The following MLLT3 variants were observed in gnomAD, a reference collection of about 807,000 sequenced individuals.
The protein encoded by MLLT3 is MLLT3 super elongation complex subunit.
In MLLT3, 4 loss-of-function variants were observed where a neutral mutation model predicts 53.2. That is an observed-to-expected ratio of 0.08 (90% CI 0.04 to 0.17). The LOEUF is 0.17. Among genes scored for constraint, MLLT3 ranks in the 10% least tolerant of loss-of-function variants. The pLI is 1.00. For missense variants in MLLT3, 569 were observed against 684.0 expected (o/e 0.83, Z 1.87); for synonymous variants, 283 against 230.6 (o/e 1.23, Z -2.06).
intron 4 of MLLT3, 105 bp from the exon 5 acceptor site, chr9:20,414,530 C>T: frequency 6.6e-7 from 1 of 1,507,916 alleles, no homozygotes; most frequent in Non-Finnish European, 8.9e-7. Flanking sequence ...CTCAAGCTAT[C>T]ATTAAAATAC....
chr9:20,577,461 C>T (rs779548845), intron 2 of MLLT3, among the ~76,000 whole-genome samples: 1 of 152,140 alleles, frequency 6.6e-6, no homozygotes, highest in Non-Finnish European at 1.5e-5. Flanking sequence ...CATTTCACAG[C>T]GCCTGTTCTC....
chr9:20,501,713 T>TGCAGTCC (rs1217305059), intron 2 of MLLT3, among the ~76,000 whole-genome samples: 5 of 131,562 alleles, frequency 3.8e-5, no homozygotes, highest in South Asian at 2.4e-4. Context: ...ATTGCGCCAC[T>TGCAGTCC]GCAGTCCGCA....
intron 2 of MLLT3, among the ~76,000 whole-genome samples, chr9:20,547,644 CAAAAA>C (rs71334534): frequency 8.1e-6 from 1 of 122,820 alleles, no homozygotes; most frequent in African/African-American, 2.9e-5. Context: ...AACTCCATCT[CAAAAA>C]AAAAAAAAAA....
intron 8 of MLLT3, among the ~76,000 whole-genome samples, chr9:20,356,700 G>A (rs1317221005): frequency 1.3e-5 from 2 of 152,194 alleles, no homozygotes; most frequent in Non-Finnish European, 2.9e-5. Context: ...TGAGGACGCT[G>A]TATTTGCAAT....
chr9:20,548,428 G>C (rs1321881852), intron 2 of MLLT3, among the ~76,000 whole-genome samples: 2 of 152,194 alleles, frequency 1.3e-5, no homozygotes, highest in African/African-American at 4.8e-5. Flanking sequence ...TTTGGAGTCT[G>C]AACAATGGTA....
At chr9:20,589,902 G>C (rs1820083576) in intron 2 of MLLT3, among the ~76,000 whole-genome samples, 1 of 151,866 alleles carries the variant, frequency 6.6e-6, no homozygotes, top group Non-Finnish European at 1.5e-5. Flanking sequence ...GTAGAGATGG[G>C]GTTTCACCAT....
rs546180120 is a variant in MLLT3, at chr9:20,599,063, T to C, written c.193+21591A>G. Among the ~76,000 whole-genome samples the C allele has an allele frequency of 2.5e-4, 38 of 152,276 alleles. No homozygotes were observed. The East Asian group carries it at 6.6e-3, about 26-fold the overall frequency. ...GCTCACGCCTGTAATCCCAGTACTT[T>C]GGGAGGCCAAGGCGGGCAGATCACG... is the stretch of plus-strand genomic sequence containing the variant. On this transcript the variant is annotated intron_variant, in intron 2 of 10. Transcript: ENST00000380338.
chr9:20,385,465 T>G (rs528926850), intron 5 of MLLT3, among the ~76,000 whole-genome samples: 11 of 152,290 alleles, frequency 7.2e-5, no homozygotes, highest in African/African-American at 2.4e-4. Context: ...TTCTTCTTTA[T>G]AAAACAATTC....
intron 4 of MLLT3, among the ~76,000 whole-genome samples, chr9:20,423,817 T>C (rs1330547124): frequency 6.8e-6 from 1 of 146,734 alleles, no homozygotes; most frequent in African/African-American, 2.5e-5. Flanking sequence ...ACTAGCTGAG[T>C]GTGGTGGTGG....
intron 2 of MLLT3, among the ~76,000 whole-genome samples, chr9:20,463,244 T>C (rs901631433): frequency 1.3e-5 from 2 of 151,776 alleles, no homozygotes; most frequent in Non-Finnish European, 2.9e-5. Flanking sequence ...TGTTTACTTA[T>C]GTATTCAGTA....
At chr9:20,415,623 T>C (rs79670410) in intron 4 of MLLT3, among the ~76,000 whole-genome samples, 2,079 of 152,178 alleles carry the variant, frequency 0.014, 41 homozygotes, top group African/African-American at 0.047. Context: ...GCTTATTATC[T>C]TTCACCCTAA....
intron 5 of MLLT3, among the ~76,000 whole-genome samples, chr9:20,377,523 T>G (rs1821797466): frequency 6.6e-6 from 1 of 152,154 alleles, no homozygotes; most frequent in South Asian, 2.1e-4. Flanking sequence ...AACTAAAAGA[T>G]ATATATCTGA....
chr9:20,366,832 T>C (rs1192184195), intron 5 of MLLT3, among the ~76,000 whole-genome samples: 2 of 152,248 alleles, frequency 1.3e-5, no homozygotes, highest in African/African-American at 4.8e-5. Context: ...AAGCTCATCA[T>C]TACTGGTCAT....
At chr9:20,425,892 A>C (rs2118803582) in intron 4 of MLLT3, among the ~76,000 whole-genome samples, 1 of 152,156 alleles carries the variant, frequency 6.6e-6, no homozygotes, top group South Asian at 2.1e-4. Flanking sequence ...TAATATTAAA[A>C]ATATCCTGAA....
In MLLT3 at chr9:20,448,025, T is replaced by C; in HGVS notation, c.420+98A>G. 7.3e-7 allele frequency: 1 copy of C among 1,370,212 alleles called. No homozygotes were observed. The allele number at this position is 1,370,212 out of a possible 1,614,324, so 84.9% of individuals were successfully genotyped here. A position where few individuals can be genotyped will look rare whatever the true frequency, so the allele number is the denominator to read the frequency against. On this transcript the variant is annotated intron_variant, in intron 4 of 10. Coordinates refer to ENST00000380338, the MANE Select transcript of MLLT3 (RefSeq NM_004529.4). The surrounding 1 kb of genome is among the most constrained non-coding windows in gnomAD (Gnocchi z 4.0). ...CATTTCTTTTACCTCTCCCAAAACC[T>C]TATACTTTTTAACACATGAGGAACT... is the stretch of plus-strand genomic sequence containing the variant.
intron 2 of MLLT3, among the ~76,000 whole-genome samples, chr9:20,600,380 T>A (rs927949342): frequency 6.6e-6 from 1 of 152,206 alleles, no homozygotes; most frequent in Admixed American, 6.5e-5. Context: ...GGCACATAGA[T>A]GGTGCTCAAT....
rs535459362 is a variant in MLLT3 at position 20,419,524 on chromosome 9, T to TAA, written c.421-5101_421-5100dup. ...ACAATCTCACAGAGCTCACTATACT[T>TAA]AAAAAAAAAGGGAAAGAAAAAAAAA... On this transcript the variant is annotated intron_variant, in intron 4 of 10. Transcript: ENST00000380338. Among the ~76,000 whole-genome samples, 563 of 144,610 alleles carry TAA rather than the reference T, an allele frequency of 3.9e-3. 5 individuals are homozygous for TAA. Among genetic ancestry groups the TAA allele is most frequent in the African/African-American group, 0.014 (533 of 39,256 alleles). 94.9% of individuals were successfully genotyped at this position (144,610 alleles called of 152,430 possible).
chr9:20,570,967 G>A (rs569063902), intron 2 of MLLT3, among the ~76,000 whole-genome samples: 2 of 152,236 alleles, frequency 1.3e-5, no homozygotes, highest in East Asian at 3.9e-4. Flanking sequence ...CTACACAATT[G>A]CTAAACTGTA....
intron 4 of MLLT3, among the ~76,000 whole-genome samples, chr9:20,426,310 A>C (rs570715462): frequency 6.6e-6 from 1 of 152,226 alleles, no homozygotes; most frequent in South Asian, 2.1e-4. Context: ...TGCTTTATTA[A>C]ACCAGCTTAA....
Sources: gnomAD v4.1 joint callset for allele counts (sites outside exome capture counted in the v4.1 genomes callset) on GRCh38, gnomAD v4.1.1 for gene constraint, Gnocchi (gnomAD v3.1) non-coding constraint, MANE v1.5 for transcripts, NCBI Gene and HGNC (gene_info 2026-07-23, HGNC 2026-07-21) for gene names.